The following CHD3 variants were observed in gnomAD, a reference collection of about 807,000 sequenced individuals.
CHD3 encodes the protein chromodomain helicase DNA binding protein 3.
A neutral mutation model predicts 248.9 loss-of-function variants in CHD3; 52 were observed. That is an observed-to-expected ratio of 0.21 (90% CI 0.17 to 0.26). The LOEUF is 0.26. Among genes scored for constraint, CHD3 ranks in the 10% least tolerant of loss-of-function variants. The pLI, the probability that CHD3 is intolerant of heterozygous loss-of-function variation, is 1.00. For synonymous variants in CHD3, 985 were observed against 985.2 expected, an observed-to-expected ratio of 1.00 and a Z score of 0.00; for missense variants, 1,482 against 2,605.8, an observed-to-expected ratio of 0.57 and a Z score of 9.39.
In CHD3 at chr17:7,897,921, T is replaced by C. The variant is rs1037512421; in HGVS notation, c.1920-50T>C. 6.4e-7 allele frequency: 1 copy of C among 1,569,104 alleles called. No homozygotes were observed. The highest frequency in any genetic ancestry group is 8.6e-7 in the Non-Finnish European group (1 of 1,159,234). On this transcript the variant is annotated intron_variant, in intron 11 of 39. Transcript: ENST00000330494. This position sits in a 1 kb window ranked among gnomAD's most constrained non-coding sequence, Gnocchi z 4.8. ...TCTCAGGCCTTCTTTCTGTTTGTGATCTGTGCAATATTTTCCTCCTGCTCC... is the reference window on the plus strand; with the variant it reads ...TCTCAGGCCTTCTTTCTGTTTGTGACCTGTGCAATATTTTCCTCCTGCTCC...
chr17:7,889,737 G>C lies in CHD3; in HGVS notation c.174G>C (p.Lys58Asn), dbSNP rs977948154. The C allele has an allele frequency of 6.2e-7, 1 of 1,613,188 alleles. No individual in the cohort carries two copies. The highest frequency in any genetic ancestry group is 1.3e-5 in the African/African-American group (1 of 74,906). Residue 58 changes from lysine (K) to asparagine (N), a missense_variant, in exon 2 of 40, where the codon AAG becomes AAC. Lys to Asn is a moderately conservative substitution (Grantham distance 94). This residue lies in a region of CHD3 where 169 missense variants were observed against 168.1 expected (regional missense o/e 1.01). Transcript: ENST00000330494. This position sits in a 1 kb window ranked among gnomAD's most constrained non-coding sequence, Gnocchi z 4.5. Reference sequence around the variant, plus strand: ...GAAAACGAGGACCCAAGAAGCAGAAGGAGAACAAGCCAGGAAAACCCCGAA... The same window carrying C: ...GAAAACGAGGACCCAAGAAGCAGAACGAGAACAAGCCAGGAAAACCCCGAA... ...KKRKRGPKKQ[K>N]ENKPGKPRKR...
rs374434743 is a variant in CHD3 at position 7,894,108 on chromosome 17, T to C, written c.925-7T>C. Reference sequence around the variant, plus strand: ...TGCCTCACTGACGGCCACGGGGCTATGGGCAGTATGTTTTTCAGAGCGACG... The same window carrying C: ...TGCCTCACTGACGGCCACGGGGCTACGGGCAGTATGTTTTTCAGAGCGACG... On this transcript the variant is annotated splice_polypyrimidine_tract_variant and splice_region_variant and intron_variant, in intron 6 of 39. Coordinates refer to ENST00000330494, the MANE Select transcript of CHD3 (RefSeq NM_001005273.3). 5 of 1,600,880 alleles carry C rather than the reference T, an allele frequency of 3.1e-6. No homozygotes were observed. The highest frequency in any genetic ancestry group is 4.3e-6 in the Non-Finnish European group (5 of 1,172,004).
rs1597978051 is a variant in CHD3, at chr17:7,902,820, A to T, written c.3370+93A>T. 7 of 1,580,736 alleles carry T rather than the reference A, an allele frequency of 4.4e-6. No homozygotes were observed. In the South Asian group the frequency reaches 8.1e-5, roughly 18 times the overall value. ...TGGGAGGGGGACTGGCTTGGGGGAC[A>T]TTGGAAACTTAGGCTTTGAGTTGGG... On this transcript the variant is annotated intron_variant, in intron 21 of 39. Coordinates refer to ENST00000330494, the MANE Select transcript of CHD3 (RefSeq NM_001005273.3).
chr17:7,896,116 T>C (rs571484803), intron 10 of CHD3, among the ~76,000 whole-genome samples: 27 of 150,074 alleles, frequency 1.8e-4, no homozygotes, highest in African/African-American at 6.1e-4. Flanking sequence ...TAGTCCCAGC[T>C]ACTCAGGAGG....
At position 7,910,314 on chromosome 17, in the gene CHD3, C is replaced by G. The variant is rs749985512; in HGVS notation, c.5591-114C>G. The G allele has an allele frequency of 7.7e-7, 1 of 1,302,214 alleles. No homozygotes were observed. Among genetic ancestry groups the G allele is most frequent in the East Asian group, 2.3e-5 (1 of 43,392 alleles). 80.7% of individuals were successfully genotyped at this position (1,302,214 alleles called of 1,614,324 possible). ...GGTTCTTTGACATCTGTGTTCTCCT[C>G]TCTCGCTCTTTTTCTGCCTGTATCT... On this transcript the variant is annotated intron_variant, in intron 37 of 39. Transcript: ENST00000330494. This position sits in a 1 kb window ranked among gnomAD's most constrained non-coding sequence, Gnocchi z 4.7.
chr17:7,885,070 G>GCCC, upstream of CHD3: 1 of 980,490 alleles, frequency 1.0e-6, no homozygotes, highest in Non-Finnish European at 1.2e-6. Flanking sequence ...CGCCGCCGCC[G>GCCC]CCCCCGCCGC....
At position 7,910,466 on chromosome 17, in the gene CHD3, G is replaced by A; in HGVS notation, c.5629G>A (p.Ala1877Thr). 6.2e-7 allele frequency: 1 copy of A among 1,614,000 alleles called. No individual in the cohort carries two copies. Among genetic ancestry groups the A allele is most frequent in the Non-Finnish European group, 8.5e-7 (1 of 1,180,006 alleles). The change falls in exon 38 of 40, where the codon GCG (alanine) becomes ACG (threonine). Residue 1877 changes from alanine (A) to threonine (T), a missense_variant. This residue lies in a region of CHD3 where 83 missense variants were observed against 181.0 expected (regional missense o/e 0.46). Transcript: ENST00000330494. This position sits in a 1 kb window ranked among gnomAD's most constrained non-coding sequence, Gnocchi z 4.7. ...GGAGGAGTTGCTGAGCGACATGAAG[G>A]CGGACGTGACCCGCCTGCCAGCCAC... ...QLEELLSDMKADVTRLPATLS... is the reference protein window; with the variant it reads ...QLEELLSDMKTDVTRLPATLS...
chr17:7,910,139 T>G lies in CHD3; in HGVS notation c.5591-289T>G. 3.4e-6 allele frequency: 1 copy of G among 295,282 alleles called. No individual in the cohort carries two copies. Among genetic ancestry groups the G allele is most frequent in the Non-Finnish European group, 6.5e-6 (1 of 154,204 alleles). 18.3% of individuals were successfully genotyped at this position (295,282 alleles called of 1,614,324 possible). On this transcript the variant is annotated intron_variant, in intron 37 of 39. Coordinates refer to ENST00000330494, the MANE Select transcript of CHD3 (RefSeq NM_001005273.3). The surrounding 1 kb of genome is among the most constrained non-coding windows in gnomAD (Gnocchi z 4.7). ...CCATGTCTTCCAATGTCCCCCCATCTTCCTTTCCTCCATGCTCCCTTTTTC... is the reference window on the plus strand; with the variant it reads ...CCATGTCTTCCAATGTCCCCCCATCGTCCTTTCCTCCATGCTCCCTTTTTC...
chr17:7,902,671 G>A lies in CHD3; in HGVS notation c.3314G>A (p.Arg1105His). The A allele has an allele frequency of 6.2e-7, 1 of 1,614,014 alleles. No homozygotes were observed. Among genetic ancestry groups the A allele is most frequent in the Non-Finnish European group, 8.5e-7 (1 of 1,179,944 alleles). Residue 1105 changes from arginine (R) to histidine (H), a missense_variant, in exon 21 of 40, where the codon CGC becomes CAC. Transcript: ENST00000330494. ...GACTATGAAGGCTACAAGTATGAGCGCATCGATGGTGGTATCACGGGTGCC... is the reference window on the plus strand; with the variant it reads ...GACTATGAAGGCTACAAGTATGAGCACATCGATGGTGGTATCACGGGTGCC... ...FLDYEGYKYE[R>H]IDGGITGALR...
intron 6 of CHD3, 50 bp from the exon 7 acceptor site, chr17:7,894,065 A>T (rs777263214): frequency 6.9e-7 from 1 of 1,447,722 alleles, no homozygotes; most frequent in Non-Finnish European, 9.2e-7. Flanking sequence ...AGGCCTGGGG[A>T]GGGCGTAGAA....
chr17:7,890,901 T>C, intron 3 of CHD3, 39 bp from the exon 4 acceptor site: 1 of 1,612,902 alleles, frequency 6.2e-7, no homozygotes, highest in Non-Finnish European at 8.5e-7. Context: ...GAATAGGGGC[T>C]GGAGGAGCAC....
Position 7,911,633 on chromosome 17 carries a change from C to A in CHD3, c.*48C>A, listed in dbSNP as rs767024629. 8.1e-6 allele frequency: 13 copies of A among 1,612,074 alleles called. No individual in the cohort carries two copies. The highest frequency in any genetic ancestry group is 1.1e-5 in the Non-Finnish European group (13 of 1,178,842). ...ACCCAGGCCCCGTCCCCGAGGCCGA[C>A]CCCCAGCTCAAGCGCTGGGGCCTGC... On this transcript the variant is annotated 3_prime_UTR_variant, in exon 40 of 40. Coordinates refer to ENST00000330494, the MANE Select transcript of CHD3 (RefSeq NM_001005273.3). The surrounding 1 kb of genome is among the most constrained non-coding windows in gnomAD (Gnocchi z 5.4).
chr17:7,890,500 T>C, intron 2 of CHD3, 71 bp from the exon 3 acceptor site: 2 of 1,033,028 alleles, frequency 1.9e-6, no homozygotes, highest in African/African-American at 1.6e-5. Flanking sequence ...AGGTAAGATA[T>C]GGTATGTGCT....
chr17:7,904,853 T>G lies in CHD3; in HGVS notation c.4072+234T>G, dbSNP rs547391462. Among the ~76,000 whole-genome samples, 7 of 152,230 alleles carry G rather than the reference T, an allele frequency of 4.6e-5. No individual in the cohort carries two copies. In the East Asian group the frequency reaches 1.2e-3, roughly 25 times the overall value. ...GCATCCTGTGGACACCCAGGGCCAT[T>G]GCTTAGAGTAGGTTTTGCAGGAGAA... On this transcript the variant is annotated intron_variant, in intron 25 of 39. Transcript: ENST00000330494. This position sits in a 1 kb window ranked among gnomAD's most constrained non-coding sequence, Gnocchi z 4.4.
rs776665863 is a variant in CHD3, at chr17:7,903,013, C to T, written c.3447C>T (p.Asp1149=). The T allele has an allele frequency of 1.2e-6, 2 of 1,614,160 alleles. No homozygotes were observed. Among genetic ancestry groups the T allele is most frequent in the South Asian group, 1.1e-5 (1 of 91,078 alleles). The change falls in exon 22 of 40, where the codon GAC becomes GAT. Residue 1149 remains aspartate, a synonymous_variant. Coordinates refer to ENST00000330494, the MANE Select transcript of CHD3 (RefSeq NM_001005273.3). This position sits in a 1 kb window ranked among gnomAD's most constrained non-coding sequence, Gnocchi z 6.8. Reference sequence around the variant, plus strand: ...TGGGCATCAATCTGGCCACTGCTGACACTGTCATCATCTTTGATTCTGACT... The same window carrying T: ...TGGGCATCAATCTGGCCACTGCTGATACTGTCATCATCTTTGATTCTGACT... ...GGLGINLATA[D]TVIIFDSDWN...
chr17:7,910,069 A>C lies in CHD3; in HGVS notation c.5591-359A>C. On this transcript the variant is annotated intron_variant, in intron 37 of 39. Transcript: ENST00000330494. The surrounding 1 kb of genome is among the most constrained non-coding windows in gnomAD (Gnocchi z 4.7). ...TTTCCTCCCCATCATCCCCAACCCCAAACCTTGCTCTTCCAGTATGAGATG... is the reference window on the plus strand; with the variant it reads ...TTTCCTCCCCATCATCCCCAACCCCCAACCTTGCTCTTCCAGTATGAGATG... 1 of 343,612 alleles carries C rather than the reference A, an allele frequency of 2.9e-6. No homozygotes were observed. 21.3% of individuals were successfully genotyped at this position (343,612 alleles called of 1,614,324 possible). A position where few individuals can be genotyped will look rare whatever the true frequency, so the allele number is the denominator to read the frequency against.
upstream of CHD3, among the ~76,000 whole-genome samples, chr17:7,887,840 C>G (rs1968207718): frequency 6.6e-6 from 1 of 152,220 alleles, no homozygotes; most frequent in Non-Finnish European, 1.5e-5. Flanking sequence ...CTGCTGAGAC[C>G]GAGGTTGGGA....
intron 4 of CHD3, among the ~76,000 whole-genome samples, chr17:7,892,026 C>T (rs905012698): frequency 9.9e-5 from 15 of 152,100 alleles, no homozygotes; most frequent in African/African-American, 2.4e-4. Context: ...CTTCTATAAA[C>T]GGGGAATAAT....
At position 7,909,250 on chromosome 17, in the gene CHD3, C is replaced by T. The variant is rs777326117; in HGVS notation, c.5502C>T (p.Ala1834=). 35 of 1,554,006 alleles carry T rather than the reference C, an allele frequency of 2.3e-5. No homozygotes were observed. In the East Asian group the frequency reaches 4.8e-4, roughly 21 times the overall value. Residue 1834 remains alanine (A), a synonymous_variant, in exon 37 of 40, where the codon GCC becomes GCT. Transcript: ENST00000330494. This position sits in a 1 kb window ranked among gnomAD's most constrained non-coding sequence, Gnocchi z 8.1. The part of the protein sequence containing the change: ...HPAMALHARF[A]EAECLAESHQ... ...CCATGGCCCTCCACGCCCGCTTCGC[C>T]GAGGCCGAGTGCCTGGCCGAGAGCC...
Sources: gnomAD v4.1 joint callset for allele counts (sites outside exome capture counted in the v4.1 genomes callset) on GRCh38, gnomAD v4.1.1 for gene constraint, gnomAD v4.1.1 regional missense constraint, Gnocchi (gnomAD v3.1) non-coding constraint, MANE v1.5 for transcripts, NCBI Gene and HGNC (gene_info 2026-07-23, HGNC 2026-07-21) for gene names.